The following AKAP6 variants were observed in gnomAD, a reference collection of about 807,000 sequenced individuals.
AKAP6 encodes the protein A-kinase anchoring protein 6.
Under a neutral mutation model 188.5 loss-of-function variants are expected in AKAP6, and 58 were observed. The observed-to-expected ratio is 0.31, with a 90% CI of 0.25 to 0.38. AKAP6 has a LOEUF of 0.38. Among genes scored for constraint, AKAP6 ranks in the 10% least tolerant of loss-of-function variants. The pLI is 1.00. For synonymous variants in AKAP6, 989 were observed against 998.6 expected (o/e 0.99, Z 0.18); for missense variants, 2,710 against 2,740.0 (o/e 0.99, Z 0.24).
intron 7 of AKAP6, among the ~76,000 whole-genome samples, chr14:32,648,150 T>C (rs780130225): frequency 2.4e-4 from 37 of 152,256 alleles, no homozygotes; most frequent in Non-Finnish European, 5.3e-4. Flanking sequence ...TTTCCAGCTA[T>C]GCATTAAGTC....
chr14:32,463,677 C>T (rs1878217274), intron 2 of AKAP6, among the ~76,000 whole-genome samples: 1 of 152,100 alleles, frequency 6.6e-6, no homozygotes, highest in South Asian at 2.1e-4. Flanking sequence ...ACCCTAACAT[C>T]ACAATAAAAG....
At chr14:32,703,111 A>G (rs1275732049) in intron 9 of AKAP6, among the ~76,000 whole-genome samples, 1 of 152,186 alleles carries the variant, frequency 6.6e-6, no homozygotes, top group Non-Finnish European at 1.5e-5. Flanking sequence ...ATCTGCCCTA[A>G]TGCAACTGTT....
At chr14:32,751,016 G>C (rs2032115078) in intron 11 of AKAP6, among the ~76,000 whole-genome samples, 2 of 151,704 alleles carry the variant, frequency 1.3e-5, no homozygotes. Context: ...TTACAGGCGT[G>C]AGCCACCGCA....
rs751841808 is a variant in AKAP6 at position 32,823,098 on chromosome 14, C to A, written c.5285C>A (p.Thr1762Asn). The change falls in exon 13 of 14, where the codon ACC becomes AAC. Residue 1762 changes from threonine (T) to asparagine (N), a missense_variant. Physicochemically the swap from Thr to Asn is moderately conservative, Grantham distance 65. Around this residue, in one of 2 missense-constraint regions of AKAP6, gnomAD observed 2,473 missense variants for 2,426.1 expected, o/e 1.02. Transcript: ENST00000280979. ...GACCTGCTCTCCAGCTCTACCCTTA[C>A]CTTGACTGAAGAAGAGCTGTGCATC... The part of the protein sequence containing the change: ...DSDLLSSSTL[T>N]LTEEELCIKD... 6.2e-7 allele frequency: 1 copy of A among 1,613,822 alleles called. No homozygotes were observed. Among genetic ancestry groups the A allele is most frequent in the Non-Finnish European group, 8.5e-7 (1 of 1,179,902 alleles).
At position 32,604,782 on chromosome 14, in the gene AKAP6, TA is replaced by T. The variant is rs78733295; in HGVS notation, c.2730+3993del. 3.9e-5 allele frequency among the ~76,000 whole-genome samples: 6 copies of T among 152,344 alleles called. No homozygotes were observed. The East Asian group carries it at 1.2e-3, about 29-fold the overall frequency. On this transcript the variant is annotated intron_variant, in intron 7 of 13. Transcript: ENST00000280979. ...CTTTAGAACAGCACCTAGCACATAG[TA>T]AATCCTAAGTAGGAGTAAATATACA...
At chr14:32,743,327 C>T (rs1213305469) in intron 11 of AKAP6, among the ~76,000 whole-genome samples, 1 of 152,074 alleles carries the variant, frequency 6.6e-6, no homozygotes, top group East Asian at 1.9e-4. Flanking sequence ...TTCAGCCACT[C>T]TGTGTCTTTT....
chr14:32,384,568 T>A (rs966897079), intron 1 of AKAP6, among the ~76,000 whole-genome samples: 1 of 152,210 alleles, frequency 6.6e-6, no homozygotes, highest in African/African-American at 2.4e-5. Flanking sequence ...AGAAATGATT[T>A]GTTTAATACG....
At chr14:32,718,871 A>G (rs1277130891) in intron 9 of AKAP6, among the ~76,000 whole-genome samples, 1 of 152,178 alleles carries the variant, frequency 6.6e-6, no homozygotes, top group Non-Finnish European at 1.5e-5. Flanking sequence ...ATATTTTCCA[A>G]CAACCTCCTA....
chr14:32,828,519 TCTCTCTCTCTCACACACACA>T (rs996990593), intron 13 of AKAP6, among the ~76,000 whole-genome samples: 22 of 34,190 alleles, frequency 6.4e-4, no homozygotes, highest in Admixed American at 1.7e-3. Flanking sequence ...TCTCTCTCTC[TCTCTCTCTCTCACACACACA>T]CACACACACA....
chr14:32,616,165 T>C (rs2139401324), intron 7 of AKAP6, among the ~76,000 whole-genome samples: 1 of 152,278 alleles, frequency 6.6e-6, no homozygotes, highest in South Asian at 2.1e-4. Flanking sequence ...GAGTGTAAAT[T>C]AGCTTGATCA....
Position 32,589,570 on chromosome 14 carries a change from C to T in AKAP6, c.2470-9840C>T, listed in dbSNP as rs1280289371. 2.0e-5 allele frequency among the ~76,000 whole-genome samples: 3 copies of T among 152,026 alleles called. No individual in the cohort carries two copies. The East Asian group carries it at 5.8e-4, about 29-fold the overall frequency. Reference sequence around the variant, plus strand: ...CTAGAAGACAAATAGTGTTAGCTTCCCTTTTCAGTTAAATAGGATTCCTGC... The same window carrying T: ...CTAGAAGACAAATAGTGTTAGCTTCTCTTTTCAGTTAAATAGGATTCCTGC... On this transcript the variant is annotated intron_variant, in intron 5 of 13. Transcript: ENST00000280979.
intron 9 of AKAP6, among the ~76,000 whole-genome samples, chr14:32,711,828 A>G (rs932871303): frequency 6.6e-6 from 1 of 151,996 alleles, no homozygotes; most frequent in African/African-American, 2.4e-5. Context: ...CTGGAGAAGG[A>G]GGCCAGATTC....
intron 13 of AKAP6, among the ~76,000 whole-genome samples, chr14:32,827,876 T>C (rs2034713592): frequency 6.6e-6 from 1 of 152,194 alleles, no homozygotes; most frequent in Non-Finnish European, 1.5e-5. Flanking sequence ...TCCCGTGGTA[T>C]AAAAATTTAA....
At chr14:32,476,548 C>T (rs139445082) in intron 2 of AKAP6, among the ~76,000 whole-genome samples, 1 of 152,132 alleles carries the variant, frequency 6.6e-6, no homozygotes. Context: ...GGATTTTAGC[C>T]CTGTTTCCCA....
At chr14:32,510,393 T>C (rs1313682179) in intron 2 of AKAP6, among the ~76,000 whole-genome samples, 3 of 58,574 alleles carry the variant, frequency 5.1e-5, no homozygotes, top group African/African-American at 2.0e-4. Context: ...TATATATATG[T>C]GTATATATAT....
intron 1 of AKAP6, among the ~76,000 whole-genome samples, chr14:32,397,019 G>A (rs762119613): frequency 6.6e-6 from 1 of 152,184 alleles, no homozygotes; most frequent in Non-Finnish European, 1.5e-5. Flanking sequence ...AATTTGGCAG[G>A]TAGGAGAACA....
chr14:32,353,684 G>C (rs1337763245), intron 1 of AKAP6, among the ~76,000 whole-genome samples: 3 of 152,162 alleles, frequency 2.0e-5, no homozygotes, highest in African/African-American at 7.2e-5. Context: ...GTTTGCAGAT[G>C]ACATGATTGT....
intron 7 of AKAP6, among the ~76,000 whole-genome samples, chr14:32,651,655 C>T (rs1888232958): frequency 6.6e-6 from 1 of 152,086 alleles, no homozygotes. Context: ...AGCAAGAGCA[C>T]ACTCCCTTTG....
intron 7 of AKAP6, among the ~76,000 whole-genome samples, chr14:32,605,620 G>A (rs889669192): frequency 1.3e-5 from 2 of 152,044 alleles, no homozygotes; most frequent in African/African-American, 4.8e-5. Context: ...GCAATAAATC[G>A]AGCAAGCTTA....
Sources: allele counts gnomAD v4.1 joint callset (sites outside exome capture counted in the v4.1 genomes callset), GRCh38; gene constraint gnomAD v4.1.1; regional missense constraint gnomAD v4.1.1; transcripts MANE v1.5; gene names NCBI Gene and HGNC (gene_info 2026-07-23, HGNC 2026-07-21).